The following NEO1 variants were observed in gnomAD, a reference collection of about 807,000 sequenced individuals.
The protein encoded by NEO1 is neogenin.
Under a neutral mutation model 159.7 loss-of-function variants are expected in NEO1, and 63 were observed. The ratio of observed to expected loss-of-function variants is 0.39; its 90% CI spans 0.32 to 0.49. The LOEUF (loss-of-function observed/expected upper bound fraction) is 0.49, where lower values mean the gene tolerates loss of function less well. NEO1 is among the 20% of genes least tolerant of loss of function. The probability of loss-of-function intolerance (pLI) is 0.85; values close to 1 mark genes in which losing one functional copy is unlikely to be tolerated. For synonymous variants in NEO1, 633 were observed against 662.0 expected (o/e 0.96, Z 0.67); for missense variants, 1,615 against 1,831.0 (o/e 0.88, Z 2.15).
chr15:73,276,207 G>A (rs759645974), intron 21 of NEO1, among the ~76,000 whole-genome samples: 1 of 152,078 alleles, frequency 6.6e-6, no homozygotes, highest in Non-Finnish European at 1.5e-5. Flanking sequence ...TGATATTTTT[G>A]GTGCTCAGTT....
chr15:73,060,812 A>G (rs1198173803), intron 1 of NEO1, among the ~76,000 whole-genome samples: 1 of 148,272 alleles, frequency 6.7e-6, no homozygotes, highest in African/African-American at 2.4e-5. Flanking sequence ...ATGCCCAGCT[A>G]ATTTTTTTGG....
At chr15:73,075,126 C>T (rs1357220892) in intron 1 of NEO1, among the ~76,000 whole-genome samples, 2 of 152,096 alleles carry the variant, frequency 1.3e-5, no homozygotes. Flanking sequence ...TCTGACATGA[C>T]CAGTTATGCT....
At chr15:73,273,692 T>A (rs2041278422) in intron 19 of NEO1, 119 bp from the exon 20 acceptor site, 3 of 732,202 alleles carry the variant, frequency 4.1e-6, no homozygotes, top group Non-Finnish European at 6.6e-6. Flanking sequence ...CCCTTGAGGG[T>A]ACATTATTCA....
intron 1 of NEO1, among the ~76,000 whole-genome samples, chr15:73,097,567 G>A (rs1219639003): frequency 6.6e-6 from 1 of 151,782 alleles, no homozygotes; most frequent in African/African-American, 2.4e-5. Context: ...TGCCATGTTG[G>A]CCAGGCTGGT....
At chr15:73,202,393 T>C (rs1033544402) in intron 7 of NEO1, among the ~76,000 whole-genome samples, 1 of 152,178 alleles carries the variant, frequency 6.6e-6, no homozygotes, top group Non-Finnish European at 1.5e-5. Context: ...AATTTTGAAG[T>C]CCTTGTTTTA....
chr15:73,219,217 A>G (rs1185613850), intron 7 of NEO1, among the ~76,000 whole-genome samples: 2 of 151,956 alleles, frequency 1.3e-5, no homozygotes, highest in Non-Finnish European at 2.9e-5. Context: ...TTCAGTTTCC[A>G]TGTAGTTGAG....
chr15:73,060,849 C>T (rs1179885580), intron 1 of NEO1, among the ~76,000 whole-genome samples: 1 of 150,624 alleles, frequency 6.6e-6, no homozygotes, highest in Non-Finnish European at 1.5e-5. Context: ...AGGGTTTCAC[C>T]ATATTGCCAA....
At chr15:73,301,251 C>A (rs2042600076) in intron 27 of NEO1, 70 bp from the exon 28 acceptor site, 5 of 1,599,198 alleles carry the variant, frequency 3.1e-6, no homozygotes, top group Non-Finnish European at 2.6e-6. Flanking sequence ...AGCACTTGGA[C>A]CTTAGGGCCT....
chr15:73,097,027 A>T (rs2151481478), intron 1 of NEO1, among the ~76,000 whole-genome samples: 1 of 152,190 alleles, frequency 6.6e-6, no homozygotes, highest in Admixed American at 6.5e-5. Context: ...CAGGAGATTG[A>T]GGCGGAAGGA....
In NEO1 at chr15:73,068,231, C is replaced by CCCCCCCCCCCCCCCCCCG. The variant is rs55919404; in HGVS notation, c.130+15428_130+15429insCCCCCCCCCCCCCCCGCC. On this transcript the variant is annotated intron_variant, in intron 1 of 28. Coordinates refer to ENST00000261908, the MANE Select transcript of NEO1 (RefSeq NM_002499.4). ...TTTGTTTTTGTCCCCCTACCCCCCCCCCTTTTTTTTTGAGACAGTGTCTCA... is the reference window on the plus strand; with the variant it reads ...TTTGTTTTTGTCCCCCTACCCCCCCCCCCCCCCCCCCCCCCCCGCCTTTTTTTTTGAGACAGTGTCTCA... 1.7e-5 allele frequency among the ~76,000 whole-genome samples: 2 copies of CCCCCCCCCCCCCCCCCCG among 120,560 alleles called. 1 individual carries two copies. Among genetic ancestry groups the CCCCCCCCCCCCCCCCCCG allele is most frequent in the Non-Finnish European group, 3.5e-5 (2 of 57,116 alleles). 79.1% of individuals were successfully genotyped at this position (120,560 alleles called of 152,430 possible).
chr15:73,102,029 T>C (rs1021157707), intron 1 of NEO1, among the ~76,000 whole-genome samples: 1 of 152,178 alleles, frequency 6.6e-6, no homozygotes, highest in African/African-American at 2.4e-5. Context: ...AATAACTCAT[T>C]AGAAATGTAA....
intron 18 of NEO1, among the ~76,000 whole-genome samples, chr15:73,272,044 A>G (rs1354353985): frequency 6.6e-6 from 1 of 152,228 alleles, no homozygotes; most frequent in Non-Finnish European, 1.5e-5. Context: ...GACGAATTAC[A>G]TAACTTCTCT....
chr15:73,183,673 T>G (rs1286815408), intron 7 of NEO1, among the ~76,000 whole-genome samples: 2 of 152,046 alleles, frequency 1.3e-5, no homozygotes, highest in Non-Finnish European at 2.9e-5. Context: ...CCATGAACTT[T>G]CTACTGTTTG....
chr15:73,303,357 T>C lies in NEO1; in HGVS notation c.*661T>C, dbSNP rs1461750432. ...TTTGTAAGCTTTTTTTATTATTTTTTTATTATAATTATTAAAGGCCTGACT... is the reference window on the plus strand; with the variant it reads ...TTTGTAAGCTTTTTTTATTATTTTTCTATTATAATTATTAAAGGCCTGACT... On this transcript the variant is annotated 3_prime_UTR_variant, in exon 29 of 29. Coordinates refer to ENST00000261908, the MANE Select transcript of NEO1 (RefSeq NM_002499.4). The C allele has an allele frequency of 3.3e-5, 5 of 152,560 alleles. No homozygotes were observed. Among genetic ancestry groups the C allele is most frequent in the Non-Finnish European group, 1.5e-5 (1 of 68,028 alleles). 9.5% of individuals were successfully genotyped at this position (152,560 alleles called of 1,614,324 possible).
At chr15:73,123,156 C>CA (rs746634085) in intron 3 of NEO1, among the ~76,000 whole-genome samples, 2,015 of 95,970 alleles carry the variant, frequency 0.021, 46 homozygotes, top group African/African-American at 0.067. Flanking sequence ...GACTCCATCT[C>CA]AAAAAAAAAA....
chr15:73,271,417 C>T (rs2041162791), intron 18 of NEO1, among the ~76,000 whole-genome samples: 2 of 152,114 alleles, frequency 1.3e-5, no homozygotes, highest in African/African-American at 4.8e-5. Context: ...TTAATTTGCT[C>T]ATTTTCCTAC....
intron 1 of NEO1, among the ~76,000 whole-genome samples, chr15:73,069,323 T>A (rs896654648): frequency 2.6e-5 from 4 of 151,982 alleles, no homozygotes; most frequent in African/African-American, 9.7e-5. Context: ...TTTGGGGCAG[T>A]GCCAGATTTT....
chr15:73,133,538 A>T lies in NEO1; in HGVS notation c.879-2353A>T, dbSNP rs76116493. On this transcript the variant is annotated intron_variant, in intron 4 of 28. Transcript: ENST00000261908. ...AACCAAACGCAACCTGTTCCCTAAA[A>T]GCCTATTGAAATAATTTTTTTGAAA... Among the ~76,000 whole-genome samples the T allele has an allele frequency of 7.7e-4, 117 of 152,302 alleles. 1 individual carries two copies. Among genetic ancestry groups the T allele is most frequent in the African/African-American group, 2.7e-3 (113 of 41,548 alleles).
chr15:73,066,734 T>TTTAC (rs887836565), intron 1 of NEO1, among the ~76,000 whole-genome samples: 114 of 152,254 alleles, frequency 7.5e-4, no homozygotes, highest in African/African-American at 2.7e-3. Flanking sequence ...GTTTAAGGGG[T>TTTAC]TTACCCTCCC....
Sources: allele counts gnomAD v4.1 joint callset (sites outside exome capture counted in the v4.1 genomes callset), GRCh38; gene constraint gnomAD v4.1.1; transcripts MANE v1.5; gene names NCBI Gene and HGNC (gene_info 2026-07-23, HGNC 2026-07-21).